CSNK2A1: variants seen among roughly 807,000 people sequenced by gnomAD.
CSNK2A1 encodes casein kinase 2 alpha 1.
Under a neutral mutation model 62.9 loss-of-function variants are expected in CSNK2A1, and 10 were observed. That is an observed-to-expected ratio of 0.16 (90% CI 0.10 to 0.27). CSNK2A1 has a LOEUF of 0.27. Ranked by LOEUF, CSNK2A1 falls within the 10% of genes least tolerant of loss-of-function variation. The probability of loss-of-function intolerance (pLI) is 1.00; values close to 1 mark genes in which losing one functional copy is unlikely to be tolerated. For missense variants in CSNK2A1, 160 were observed against 492.0 expected (o/e 0.33, Z 6.38); for synonymous variants, 124 against 167.8 (o/e 0.74, Z 2.02).
chr20:503,615 G>T (rs924040201), intron 4 of CSNK2A1: 5 of 398,458 alleles, frequency 1.3e-5, no homozygotes, highest in Non-Finnish European at 1.3e-5. Context: ...CACTCCTCGT[G>T]ATGGATTGTG....
At chr20:498,335 C>CTTTTTTTTTTTTT (rs11477158) in intron 6 of CSNK2A1, 12 of 119,658 alleles carry the variant, frequency 1.0e-4, no homozygotes, top group African/African-American at 3.8e-4. Flanking sequence ...ATGGACATAT[C>CTTTTTTTTTTTTT]TTTTTTTTTT....
intron 1 of CSNK2A1, among the ~76,000 whole-genome samples, chr20:533,086 T>C (rs142173163): frequency 9.2e-5 from 14 of 152,308 alleles, no homozygotes; most frequent in Non-Finnish European, 1.9e-4. Flanking sequence ...TAAGTAGTAG[T>C]GTTTTTGTTT....
intron 1 of CSNK2A1, among the ~76,000 whole-genome samples, chr20:535,601 C>T (rs1431630240): frequency 2.0e-5 from 3 of 151,990 alleles, no homozygotes; most frequent in Non-Finnish European, 2.9e-5. Flanking sequence ...ACTAAAAATA[C>T]AAAAATTAGC....
At chr20:508,218 A>C (rs962578749) in intron 3 of CSNK2A1, 3 of 461,704 alleles carry the variant, frequency 6.5e-6, no homozygotes, top group Non-Finnish European at 1.2e-5. Context: ...GAAAAGGATA[A>C]GAAACTAAAA....
rs1191734145 is a variant in CSNK2A1 at position 482,838 on chromosome 20, C to T, written c.*1123G>A. On this transcript the variant is annotated 3_prime_UTR_variant, in exon 14 of 14. Coordinates refer to ENST00000217244, the MANE Select transcript of CSNK2A1 (RefSeq NM_177559.3). ...AGAGTTTATAGTTTTCCCACAATTA[C>T]AGGTCTACCATTTCAGCTTCAATGG... is the stretch of plus-strand genomic sequence containing the variant. 6.6e-6 allele frequency: 1 copy of T among 152,622 alleles called. No homozygotes were observed. The highest frequency in any genetic ancestry group is 2.4e-5 in the African/African-American group (1 of 41,430). 9.5% of individuals were successfully genotyped at this position (152,622 alleles called of 1,614,324 possible).
Position 539,459 on chromosome 20 carries a change from C to T in CSNK2A1, c.-227+4213G>A, listed in dbSNP as rs370466180. ...CCCCTCCAGTAACGGCAGGCTGAGT[C>T]CTTCTCATGCTTCAAATTTGACTTC... On this transcript the variant is annotated intron_variant, in intron 1 of 13. Coordinates refer to ENST00000217244, the MANE Select transcript of CSNK2A1 (RefSeq NM_177559.3). 3.3e-5 allele frequency: 5 copies of T among 152,216 alleles called. No homozygotes were observed. In the East Asian group the frequency reaches 7.7e-4, roughly 23 times the overall value. 9.4% of individuals were successfully genotyped at this position (152,216 alleles called of 1,614,324 possible).
intron 9 of CSNK2A1, among the ~76,000 whole-genome samples, chr20:490,353 G>GTTTTTTTTTTTTTTTTTTTTTTT (rs373775413): frequency 3.7e-5 from 2 of 53,490 alleles, no homozygotes; most frequent in African/African-American, 2.2e-4. Context: ...TTTTTTTTTA[G>GTTTTTTTTTTTTTTTTTTTTTTT]TTTTTTTTTT....
At chr20:493,892 T>C (rs866094817) in intron 8 of CSNK2A1, among the ~76,000 whole-genome samples, 3 of 152,344 alleles carry the variant, frequency 2.0e-5, no homozygotes, top group Middle Eastern at 6.8e-3. Context: ...AAGCATGAGA[T>C]CCATCCAAGT....
intron 6 of CSNK2A1, 181 bp from the exon 7 acceptor site, chr20:497,961 C>A: frequency 1.8e-6 from 1 of 544,798 alleles, no homozygotes; most frequent in Non-Finnish European, 3.3e-6. Flanking sequence ...GGGTCTTCAA[C>A]TCTTAAAAAT....
intron 3 of CSNK2A1, chr20:506,010 G>A (rs894104912): frequency 1.3e-5 from 2 of 151,392 alleles, no homozygotes; most frequent in Non-Finnish European, 2.9e-5. Context: ...CTAGTAGCTG[G>A]GACTACAGGC....
At chr20:486,224 T>C (rs1166056659) in intron 13 of CSNK2A1, 152 bp downstream of exon 13, 1 of 756,056 alleles carries the variant, frequency 1.3e-6, no homozygotes, top group African/African-American at 1.8e-5. Context: ...CACTAAAGTA[T>C]ACCAAATGTC....
At position 498,043 on chromosome 20, in the gene CSNK2A1, A is replaced by G. The variant is rs981928127; in HGVS notation, c.367-263T>C. On this transcript the variant is annotated intron_variant, in intron 6 of 13. Coordinates refer to ENST00000217244, the MANE Select transcript of CSNK2A1 (RefSeq NM_177559.3). Reference sequence around the variant, plus strand: ...GAAACATACTGATCTAGATACGTTAATATGCACTGACACCCACCTATAATT... The same window carrying G: ...GAAACATACTGATCTAGATACGTTAGTATGCACTGACACCCACCTATAATT... 2.4e-5 allele frequency: 8 copies of G among 336,890 alleles called. 1 individual carries two copies. The highest frequency in any genetic ancestry group is 9.2e-5 in the Admixed American group (2 of 21,818). The allele number at this position is 336,890 out of a possible 1,614,324, so 20.9% of individuals were successfully genotyped here. A position where few individuals can be genotyped will look rare whatever the true frequency, so the allele number is the denominator to read the frequency against.
chr20:538,022 C>T (rs143014314), intron 1 of CSNK2A1, among the ~76,000 whole-genome samples: 3,408 of 148,076 alleles, frequency 0.023, 139 homozygotes, highest in African/African-American at 0.081. Context: ...AGTGCAGTGG[C>T]GTGATCTTGA....
Position 475,056 on chromosome 20 carries a change from A to G in CSNK2A1, c.*8905T>C, listed in dbSNP as rs925400052. On this transcript the variant is annotated 3_prime_UTR_variant, in exon 14 of 14. Coordinates refer to ENST00000217244, the MANE Select transcript of CSNK2A1 (RefSeq NM_177559.3). ...ATTTAGGTACCACCCCAATAAACAC[A>G]ACACCGAGGACCCCCAGAAGCACCC... 7 of 152,208 alleles carry G rather than the reference A, an allele frequency of 4.6e-5. No individual in the cohort carries two copies. The highest frequency in any genetic ancestry group is 1.4e-4 in the African/African-American group (6 of 41,442). The allele number at this position is 152,208 out of a possible 1,614,324, so 9.4% of individuals were successfully genotyped here. A position where few individuals can be genotyped will look rare whatever the true frequency, so the allele number is the denominator to read the frequency against.
Position 476,723 on chromosome 20 carries a change from C to T in CSNK2A1, c.*7238G>A, listed in dbSNP as rs157803. ...AAGTAGCTGGGACTACAGGCATGCA[C>T]CACCATGCCCAGCTAATCTGTGTAT... is the stretch of plus-strand genomic sequence containing the variant. On this transcript the variant is annotated 3_prime_UTR_variant, in exon 14 of 14. Transcript: ENST00000217244. 0.15 allele frequency: 22,920 copies of T among 151,954 alleles called. 2,660 individuals are homozygous for T. Among genetic ancestry groups the T allele is most frequent in the African/African-American group, 0.32 (13,366 of 41,318 alleles). 9.4% of individuals were successfully genotyped at this position (151,954 alleles called of 1,614,324 possible).
chr20:508,980 A>G (rs1318075093), intron 2 of CSNK2A1, among the ~76,000 whole-genome samples: 1 of 152,232 alleles, frequency 6.6e-6, no homozygotes, highest in African/African-American at 2.4e-5. Context: ...CATTACCACT[A>G]GTTATATATT....
chr20:524,741 T>G (rs2019040544), intron 2 of CSNK2A1, among the ~76,000 whole-genome samples: 1 of 143,914 alleles, frequency 6.9e-6, no homozygotes, highest in African/African-American at 2.6e-5. Context: ...GAGATACATC[T>G]AAAACATGGG....
chr20:495,846 G>GT (rs749961653), intron 7 of CSNK2A1, 44 bp from the exon 8 acceptor site: 67 of 1,523,298 alleles, frequency 4.4e-5, no homozygotes, highest in Non-Finnish European at 5.3e-5. Flanking sequence ...TGAATAATAC[G>GT]TAAGAGTCCT....
At chr20:520,309 C>T (rs1184759900) in intron 2 of CSNK2A1, among the ~76,000 whole-genome samples, 4 of 152,062 alleles carry the variant, frequency 2.6e-5, no homozygotes, top group African/African-American at 9.7e-5. Context: ...AAGAATTATA[C>T]TAACTGATCT....
Sources: allele counts gnomAD v4.1 joint callset (sites outside exome capture counted in the v4.1 genomes callset), GRCh38; gene constraint gnomAD v4.1.1; transcripts MANE v1.5; gene names NCBI Gene and HGNC (gene_info 2026-07-23, HGNC 2026-07-21).